Variants in COL6A5 observed in about 807,000 individuals in gnomAD.
The protein encoded by COL6A5 is collagen alpha-5(VI) chain.
COL6A5 carries 48 observed loss-of-function variants against 65.6 expected under a neutral mutation model. The ratio of observed to expected loss-of-function variants is 0.73; its 90% CI spans 0.58 to 0.93. The LOEUF (loss-of-function observed/expected upper bound fraction) is 0.93. Ranked by LOEUF, COL6A5 falls within the 40% of genes least tolerant of loss-of-function variation. The pLI is 0.00. For missense variants in COL6A5, 914 were observed against 928.3 expected, an observed-to-expected ratio of 0.98 and a Z score of 0.20; for synonymous variants, 291 against 322.8, an observed-to-expected ratio of 0.90 and a Z score of 1.05.
At position 130,401,829 on chromosome 3, in the gene COL6A5, G is replaced by A. The variant is rs867881721; in HGVS notation, c.4202G>A (p.Gly1401Glu). ...TGTCCAGGAATTCCAGGACCTCATGGGACCCGAGGACTACAAGCCATGAAG... is the reference window on the plus strand; with the variant it reads ...TGTCCAGGAATTCCAGGACCTCATGAGACCCGAGGACTACAAGCCATGAAG... Residue 1401 changes from glycine (G) to glutamate (E), a missense_variant and NMD_transcript_variant, in exon 12 of 42, where the codon GGG becomes GAG. Transcript: ENST00000312481. 6.4e-7 allele frequency: 1 copy of A among 1,551,416 alleles called. No individual in the cohort carries two copies. Among genetic ancestry groups the A allele is most frequent in the East Asian group, 2.4e-5 (1 of 40,920 alleles).
intron 5 of COL6A5, among the ~76,000 whole-genome samples, chr3:130,465,927 T>C (rs1469722013): frequency 1.3e-5 from 2 of 151,932 alleles, no homozygotes; most frequent in Non-Finnish European, 2.9e-5. Flanking sequence ...AATGGGATAA[T>C]GGCAAATTAG....
At chr3:130,418,848 T>C in intron 24 of COL6A5, 21 bp from the exon 25 acceptor site, 1 of 1,546,208 alleles carries the variant, frequency 6.5e-7, no homozygotes, top group Middle Eastern at 1.7e-4. Flanking sequence ...GATCTGAAGC[T>C]CTTCTTGTCC....
At chr3:130,458,535 G>A (rs181805592) in intron 5 of COL6A5, among the ~76,000 whole-genome samples, 1 of 152,246 alleles carries the variant, frequency 6.6e-6, no homozygotes, top group Non-Finnish European at 1.5e-5. Flanking sequence ...GTTTTAACAA[G>A]CAGCTCAGGT....
intron 29 of COL6A5, among the ~76,000 whole-genome samples, chr3:130,424,262 G>A (rs1175071330): frequency 1.3e-5 from 2 of 152,036 alleles, no homozygotes; most frequent in Non-Finnish European, 2.9e-5. Context: ...CAGGTTGATG[G>A]AGTTTACCAA....
At chr3:130,366,248 A>G (rs1181279492) in intron 1 of COL6A5, among the ~76,000 whole-genome samples, 1 of 152,214 alleles carries the variant, frequency 6.6e-6, no homozygotes, top group Non-Finnish European at 1.5e-5. Flanking sequence ...TAAGAAGCTT[A>G]TGGGTTAGAT....
At chr3:130,467,948 C>T (rs763408436) in intron 5 of COL6A5, among the ~76,000 whole-genome samples, 5 of 151,962 alleles carry the variant, frequency 3.3e-5, no homozygotes, top group Non-Finnish European at 7.4e-5. Flanking sequence ...TTCCTGTTGA[C>T]GCCTCACCAA....
intron 1 of COL6A5, among the ~76,000 whole-genome samples, chr3:130,373,214 T>G (rs370401300): frequency 2.6e-5 from 4 of 152,328 alleles, no homozygotes; most frequent in African/African-American, 9.6e-5. Context: ...GTATAAAGCT[T>G]ATGACACAGT....
chr3:130,381,934 G>T (rs778804568), intron 4 of COL6A5, among the ~76,000 whole-genome samples: 9 of 152,050 alleles, frequency 5.9e-5, no homozygotes, highest in Non-Finnish European at 1.3e-4. Flanking sequence ...AGGGCACAAG[G>T]CCTCACTATG....
intron 29 of COL6A5, among the ~76,000 whole-genome samples, chr3:130,424,937 C>T (rs780640637): frequency 2.0e-5 from 3 of 152,072 alleles, no homozygotes; most frequent in Admixed American, 6.6e-5. Flanking sequence ...TTGTCTCAAG[C>T]TCTTGATCCT....
At chr3:130,451,424 C>T (rs576064451) in intron 4 of COL6A5, among the ~76,000 whole-genome samples, 2 of 152,114 alleles carry the variant, frequency 1.3e-5, no homozygotes, top group African/African-American at 4.8e-5. Context: ...CTGCTGTTCA[C>T]ATGTGAAGAA....
chr3:130,451,551 T>C (rs1380000121), intron 4 of COL6A5, among the ~76,000 whole-genome samples: 3 of 152,054 alleles, frequency 2.0e-5, no homozygotes, highest in Non-Finnish European at 1.5e-5. Context: ...AGGTAAATTG[T>C]ACTTTGGTCC....
At chr3:130,379,631 C>T (rs1434282533) in exon 4 of COL6A5, 3 of 1,551,436 alleles carry the variant, frequency 1.9e-6, no homozygotes, top group Non-Finnish European at 2.6e-6. Context: ...TCAAGCACAA[C>T]CCAATCTGAA....
intron 22 of COL6A5, among the ~76,000 whole-genome samples, chr3:130,415,164 C>T (rs972690625): frequency 1.1e-4 from 17 of 152,068 alleles, no homozygotes; most frequent in African/African-American, 3.1e-4. Context: ...GTGAGATAAC[C>T]GCATGAGAAC....
At chr3:130,450,773 T>C (rs775855798) in intron 4 of COL6A5, among the ~76,000 whole-genome samples, 24 of 152,098 alleles carry the variant, frequency 1.6e-4, no homozygotes, top group Non-Finnish European at 2.9e-4. Context: ...AACAGGAGCT[T>C]GGTCTGTAGC....
At chr3:130,395,620 C>T (rs1203831880) in intron 8 of COL6A5, among the ~76,000 whole-genome samples, 155 bp downstream of exon 8, 1 of 152,194 alleles carries the variant, frequency 6.6e-6, no homozygotes, top group African/African-American at 2.4e-5. Context: ...GACTTCTCTG[C>T]TTCCAGGAAG....
At chr3:130,430,909 G>A (rs1937774383), upstream of COL6A5, among the ~76,000 whole-genome samples, 3 of 152,184 alleles carry the variant, frequency 2.0e-5, no homozygotes, top group Non-Finnish European at 4.4e-5. Context: ...CACAGTGAAT[G>A]TTATGCTGCA....
exon 6 of COL6A5, chr3:130,469,414 C>T (rs1709895410): frequency 6.2e-7 from 1 of 1,612,822 alleles, no homozygotes. Flanking sequence ...TCCAACTTGG[C>T]CGAACCCACA....
At position 130,388,828 on chromosome 3, in the gene COL6A5, G is replaced by GA. The variant is rs1936290888; in HGVS notation, c.2110_2111insA (p.Gly704GlufsTer40). On this transcript the variant is annotated frameshift_variant and NMD_transcript_variant, in exon 6 of 42. Transcript: ENST00000312481. ...AGATAGAATGTCTCTCATCAATGAA[G>GA]GCACTTTAACTGGAAAGGCACTAAA... is the stretch of plus-strand genomic sequence containing the variant. 1.9e-6 allele frequency: 3 copies of GA among 1,551,252 alleles called. No individual in the cohort carries two copies. In the African/African-American group the frequency reaches 4.1e-5, roughly 21 times the overall value.
At chr3:130,369,801 C>A (rs890078519) in intron 1 of COL6A5, among the ~76,000 whole-genome samples, 2 of 152,180 alleles carry the variant, frequency 1.3e-5, no homozygotes, top group South Asian at 4.1e-4. Flanking sequence ...CAGGAAATAG[C>A]AAGGCCAGCT....
Sources: gnomAD v4.1 joint callset for allele counts (sites outside exome capture counted in the v4.1 genomes callset) on GRCh38, gnomAD v4.1.1 for gene constraint, MANE v1.5 for transcripts, NCBI Gene and HGNC (gene_info 2026-07-23, HGNC 2026-07-21) for gene names.